PKHD1: variants seen among roughly 807,000 people sequenced by gnomAD.
PKHD1 encodes fibrocystin.
In PKHD1, 291 loss-of-function variants were observed where a neutral mutation model predicts 412.0. The observed-to-expected ratio is 0.71, with a 90% CI of 0.64 to 0.78. The LOEUF (loss-of-function observed/expected upper bound fraction) is 0.78. Ranked by LOEUF, PKHD1 falls within the 30% of genes least tolerant of loss-of-function variation. The probability of loss-of-function intolerance (pLI) is 0.00; values close to 1 mark genes in which losing one functional copy is unlikely to be tolerated. For synonymous variants in PKHD1, 1,777 were observed against 1,821.5 expected (o/e 0.98, Z 0.62); for missense variants, 4,825 against 4,950.7 (o/e 0.97, Z 0.76).
At chr6:51,731,754 T>C (rs929667836) in intron 60 of PKHD1, among the ~76,000 whole-genome samples, 7 of 152,074 alleles carry the variant, frequency 4.6e-5, no homozygotes, top group Non-Finnish European at 7.4e-5. Flanking sequence ...GGAAGAAAAA[T>C]ATCCATATGA....
intron 52 of PKHD1, among the ~76,000 whole-genome samples, chr6:51,796,834 G>A (rs1192793095): frequency 6.9e-5 from 4 of 58,168 alleles, no homozygotes; most frequent in African/African-American, 2.3e-4. Flanking sequence ...TTTTTTTTTG[G>A]AGACAGAGTC....
intron 44 of PKHD1, 89 bp from the exon 45 acceptor site, chr6:51,886,061 T>C (rs939947300): frequency 3.6e-6 from 3 of 822,844 alleles, no homozygotes; most frequent in South Asian, 2.9e-5. Context: ...GTAAAAGTAA[T>C]GTATTAGGGA....
chr6:52,001,749 A>T (rs978982096), intron 35 of PKHD1, among the ~76,000 whole-genome samples: 1 of 152,170 alleles, frequency 6.6e-6, no homozygotes, highest in Non-Finnish European at 1.5e-5. Flanking sequence ...TTTTAAAAAA[A>T]GAAAAAAACA....
At chr6:52,085,862 A>T (rs1812697386) in intron 1 of PKHD1, among the ~76,000 whole-genome samples, 1 of 151,886 alleles carries the variant, frequency 6.6e-6, no homozygotes, top group African/African-American at 2.4e-5. Flanking sequence ...TGCCTGCTCT[A>T]AGGAAAGTGC....
chr6:52,086,498 C>G (rs1486371160), intron 1 of PKHD1, among the ~76,000 whole-genome samples: 1 of 151,956 alleles, frequency 6.6e-6, no homozygotes, highest in Non-Finnish European at 1.5e-5. Flanking sequence ...TATACTCCCC[C>G]CCTCAAAAAA....
chr6:52,063,175 ATGC>A (rs763790880), intron 13 of PKHD1, among the ~76,000 whole-genome samples: 1 of 152,236 alleles, frequency 6.6e-6, no homozygotes, highest in Non-Finnish European at 1.5e-5. Context: ...AATATGTGGC[ATGC>A]TGCTATTATG....
At chr6:51,904,950 C>T (rs1018249161) in intron 41 of PKHD1, among the ~76,000 whole-genome samples, 1 of 152,120 alleles carries the variant, frequency 6.6e-6, no homozygotes, top group Non-Finnish European at 1.5e-5. Flanking sequence ...AAAGATTTTT[C>T]TGCACCTGAT....
chr6:52,086,621 G>A (rs983951362), intron 1 of PKHD1, among the ~76,000 whole-genome samples: 6 of 152,060 alleles, frequency 3.9e-5, no homozygotes, highest in African/African-American at 1.4e-4. Flanking sequence ...TTTATTGTAT[G>A]CCCACTACGT....
chr6:51,722,783 A>G (rs1215933225), intron 60 of PKHD1, among the ~76,000 whole-genome samples: 4 of 152,202 alleles, frequency 2.6e-5, no homozygotes. Context: ...AAAATGTAAC[A>G]TGAATGAATG....
Position 52,066,044 on chromosome 6 carries a change from A to C in PKHD1, c.812T>G (p.Leu271Arg). Residue 271 changes from leucine to arginine, a missense_variant, in exon 12 of 67, where the codon CTT (leucine) becomes CGT (arginine). Physicochemically the swap from Leu to Arg is moderately radical, Grantham distance 102. Transcript: ENST00000371117. ...ILSVFPETGS[L>R]GGRTNITITG... The stretch of plus-strand genomic sequence containing the variant: ...AATTGTGATGTTTGTTCTTCCCCCA[A>C]GGCTCCCAGTTTCTGGAAACACAGA... The C allele has an allele frequency of 6.3e-7, 1 of 1,599,674 alleles. No individual in the cohort carries two copies. Among genetic ancestry groups the C allele is most frequent in the Non-Finnish European group, 8.6e-7 (1 of 1,167,226 alleles).
chr6:51,887,384 T>C (rs556047555), intron 43 of PKHD1, 139 bp from the exon 44 acceptor site: 1 of 690,202 alleles, frequency 1.4e-6, no homozygotes, highest in Middle Eastern at 2.9e-4. Context: ...TATAGACTCA[T>C]TTATTCTTTT....
chr6:51,869,678 C>A (rs774868890), intron 47 of PKHD1, among the ~76,000 whole-genome samples: 2 of 151,808 alleles, frequency 1.3e-5, no homozygotes, highest in Non-Finnish European at 2.9e-5. Context: ...TGAGGAATTG[C>A]GATTGCAAGC....
At chr6:51,918,355 C>T (rs1420386850) in intron 37 of PKHD1, among the ~76,000 whole-genome samples, 1 of 152,052 alleles carries the variant, frequency 6.6e-6, no homozygotes, top group African/African-American at 2.4e-5. Flanking sequence ...CCTTGCCCCC[C>T]ACCCACTAAC....
At chr6:52,065,352 T>C (rs1039841764) in intron 12 of PKHD1, among the ~76,000 whole-genome samples, 2 of 151,672 alleles carry the variant, frequency 1.3e-5, no homozygotes, top group Admixed American at 6.6e-5. Context: ...CAGCAGAGCA[T>C]AGGGCAGCGT....
intron 63 of PKHD1, among the ~76,000 whole-genome samples, chr6:51,647,148 G>C (rs1251625011): frequency 1.3e-5 from 2 of 152,088 alleles, no homozygotes; most frequent in Admixed American, 1.3e-4. Context: ...ATAATATATT[G>C]TACTGTTTGA....
intron 40 of PKHD1, among the ~76,000 whole-genome samples, chr6:51,906,643 C>A (rs1782145296): frequency 6.6e-6 from 1 of 152,026 alleles, no homozygotes. Flanking sequence ...TGGCTATCAT[C>A]TTTAGTATCA....
chr6:51,805,360 C>T (rs1482089837), intron 52 of PKHD1, among the ~76,000 whole-genome samples: 1 of 136,714 alleles, frequency 7.3e-6, no homozygotes, highest in African/African-American at 2.7e-5. Flanking sequence ...GAAAATAACA[C>T]ACTAGAGACT....
At chr6:51,956,727 G>A (rs1304512788) in intron 36 of PKHD1, among the ~76,000 whole-genome samples, 3 of 152,052 alleles carry the variant, frequency 2.0e-5, no homozygotes, top group Non-Finnish European at 4.4e-5. Context: ...TCCCAGATTA[G>A]TTGATATTTT....
At chr6:51,627,732 A>C (rs540673303) in intron 65 of PKHD1, among the ~76,000 whole-genome samples, 37 of 152,140 alleles carry the variant, frequency 2.4e-4, no homozygotes, top group Non-Finnish European at 4.4e-4. Flanking sequence ...AATACCAAAG[A>C]ATTGAGACCG....
Sources: allele counts gnomAD v4.1 joint callset (sites outside exome capture counted in the v4.1 genomes callset), GRCh38; gene constraint gnomAD v4.1.1; transcripts MANE v1.5; gene names NCBI Gene and HGNC (gene_info 2026-07-23, HGNC 2026-07-21).